The following CWH43 variants were observed in gnomAD, a reference collection of about 807,000 sequenced individuals.
CWH43 encodes the protein cell wall biogenesis 43 C-terminal homolog.
In CWH43, 91 loss-of-function variants were observed where a neutral mutation model predicts 85.7. That is an observed-to-expected ratio of 1.06 (90% confidence interval 0.90 to 1.26). CWH43 has a LOEUF of 1.26. CWH43 is among the 50% of genes most tolerant of loss of function. The pLI, the probability that CWH43 is intolerant of heterozygous loss-of-function variation, is 0.00. For missense variants in CWH43, 869 were observed against 839.2 expected, an observed-to-expected ratio of 1.04 and a Z score of -0.44; for synonymous variants, 323 against 293.6, an observed-to-expected ratio of 1.10 and a Z score of -1.02.
chr4:49,015,128 G>T (rs1783502149), intron 8 of CWH43, among the ~76,000 whole-genome samples: 1 of 152,022 alleles, frequency 6.6e-6, no homozygotes, highest in Non-Finnish European at 1.5e-5. Context: ...TCTTTTAAGG[G>T]TTTAATCTAT....
At chr4:49,029,848 C>T (rs563330087) in intron 10 of CWH43, among the ~76,000 whole-genome samples, 12 of 152,296 alleles carry the variant, frequency 7.9e-5, no homozygotes, top group East Asian at 3.9e-4. Context: ...GTTTTCCTGC[C>T]GACCTTCTCC....
chr4:48,986,364 G>C lies in CWH43; in HGVS notation c.-66G>C, dbSNP rs1213860882. On this transcript the variant is annotated 5_prime_UTR_variant, in exon 1 of 16. Coordinates refer to ENST00000226432, the MANE Select transcript of CWH43 (RefSeq NM_025087.3). ...GACGCGGCGGCGGGAACCTGGGGGCGCAGGGCTAGGGCAGCGGGCCCGACC... is the reference window on the plus strand; with the variant it reads ...GACGCGGCGGCGGGAACCTGGGGGCCCAGGGCTAGGGCAGCGGGCCCGACC... 2.7e-6 allele frequency: 4 copies of C among 1,462,286 alleles called. No homozygotes were observed. In the East Asian group the frequency reaches 1.0e-4, roughly 38 times the overall value. The allele number at this position is 1,462,286 out of a possible 1,614,324, so 90.6% of individuals were successfully genotyped here.
intron 14 of CWH43, among the ~76,000 whole-genome samples, chr4:49,049,955 A>T (rs987944781): frequency 8.5e-5 from 13 of 152,358 alleles, no homozygotes; most frequent in Admixed American, 8.5e-4. Context: ...TGAAAGTTCC[A>T]TGAGGGCAAG....
intron 12 of CWH43, among the ~76,000 whole-genome samples, chr4:49,035,176 T>G (rs1784229194): frequency 1.3e-5 from 2 of 152,208 alleles, no homozygotes; most frequent in Admixed American, 6.5e-5. Flanking sequence ...ACACAAATTC[T>G]TACTGTGAAT....
intron 6 of CWH43, among the ~76,000 whole-genome samples, chr4:49,001,874 A>C (rs1783003251): frequency 6.6e-6 from 1 of 152,204 alleles, no homozygotes; most frequent in African/African-American, 2.4e-5. Flanking sequence ...GTAAGCCGTA[A>C]GTAAGAAAAA....
intron 8 of CWH43, among the ~76,000 whole-genome samples, chr4:49,013,999 C>A (rs1313734293): frequency 1.3e-5 from 2 of 152,088 alleles, no homozygotes; most frequent in African/African-American, 4.8e-5. Flanking sequence ...TGGTCTCCAC[C>A]TTCAAGGACT....
intron 9 of CWH43, among the ~76,000 whole-genome samples, chr4:49,018,530 A>G (rs1560497982): frequency 6.6e-6 from 1 of 152,184 alleles, no homozygotes; most frequent in East Asian, 1.9e-4. Flanking sequence ...ACAGGTAGTA[A>G]AACTTTTCTT....
chr4:49,003,108 T>A (rs1577661814), intron 6 of CWH43, among the ~76,000 whole-genome samples: 1 of 152,162 alleles, frequency 6.6e-6, no homozygotes, highest in African/African-American at 2.4e-5. Flanking sequence ...TAAACTAACA[T>A]TTACAGAGTG....
chr4:48,996,863 A>G (rs760293839), intron 5 of CWH43, among the ~76,000 whole-genome samples: 6 of 152,220 alleles, frequency 3.9e-5, no homozygotes, highest in African/African-American at 7.2e-5. Flanking sequence ...AGAATGAGAC[A>G]CTGAAGACGG....
intron 15 of CWH43, among the ~76,000 whole-genome samples, chr4:49,051,114 A>G (rs1784782924): frequency 6.6e-6 from 1 of 152,158 alleles, no homozygotes; most frequent in African/African-American, 2.4e-5. Context: ...CATCACCATC[A>G]TCATCACTGT....
intron 9 of CWH43, among the ~76,000 whole-genome samples, chr4:49,020,161 C>T (rs1196941884): frequency 6.6e-6 from 1 of 152,028 alleles, no homozygotes; most frequent in African/African-American, 2.4e-5. Context: ...CACTCCCTCC[C>T]ACCCTTTAAT....
At chr4:48,994,857 G>GTTA (rs1165146259) in intron 5 of CWH43, 37 bp downstream of exon 5, 12 of 1,569,648 alleles carry the variant, frequency 7.6e-6, no homozygotes, top group Non-Finnish European at 1.1e-5. Flanking sequence ...AAAATCGGCA[G>GTTA]TTATGCCTGG....
Position 48,994,621 on chromosome 4 carries a change from G to T in CWH43, c.514G>T (p.Gly172Cys). The T allele has an allele frequency of 6.2e-7, 1 of 1,609,258 alleles. No individual in the cohort carries two copies. The highest frequency in any genetic ancestry group is 8.5e-7 in the Non-Finnish European group (1 of 1,178,628). The change falls in exon 5 of 16, where the codon GGT becomes TGT. Residue 172 changes from glycine (G) to cysteine (C), a missense_variant and splice_region_variant. Coordinates refer to ENST00000226432, the MANE Select transcript of CWH43 (RefSeq NM_025087.3). ...IATLDRIGTD[G>C]DCSKPEEKKT... Reference sequence around the variant, plus strand: ...ATATATGTATTTTTAAATTCTAGATGGTGACTGCAGTAAACCTGAAGAAAA... The same window carrying T: ...ATATATGTATTTTTAAATTCTAGATTGTGACTGCAGTAAACCTGAAGAAAA...
intron 8 of CWH43, among the ~76,000 whole-genome samples, chr4:49,013,122 C>T (rs1783419836): frequency 6.6e-6 from 1 of 152,262 alleles, no homozygotes; most frequent in African/African-American, 2.4e-5. Flanking sequence ...AGGCAGTAGA[C>T]CTTGCTGAGC....
intron 13 of CWH43, among the ~76,000 whole-genome samples, chr4:49,039,793 G>A (rs932866529): frequency 1.3e-5 from 2 of 151,546 alleles, no homozygotes; most frequent in South Asian, 2.1e-4. Context: ...TGTGCACAAT[G>A]TGCAGGTTTG....
At chr4:49,016,750 C>A (rs189624017) in intron 8 of CWH43, 1 of 777,832 alleles carries the variant, frequency 1.3e-6, no homozygotes, top group Admixed American at 1.7e-5. Flanking sequence ...GTGATGCCAG[C>A]TTCCCTTGCA....
intron 15 of CWH43, among the ~76,000 whole-genome samples, chr4:49,060,050 TTACCTGGGC>T (rs929855481): frequency 1.5e-4 from 23 of 152,122 alleles, no homozygotes; most frequent in Admixed American, 5.2e-4. Flanking sequence ...CTAGATTCTG[TTACCTGGGC>T]TGCAGGGACT....
At chr4:49,055,535 T>C (rs1408439215) in intron 15 of CWH43, among the ~76,000 whole-genome samples, 2 of 152,170 alleles carry the variant, frequency 1.3e-5, no homozygotes, top group Non-Finnish European at 2.9e-5. Flanking sequence ...TTGCAGGTGT[T>C]CCCTCCTCTT....
chr4:49,016,743 A>T, intron 8 of CWH43: 2 of 777,522 alleles, frequency 2.6e-6, no homozygotes, highest in Non-Finnish European at 4.8e-6. Context: ...CTTCTCAGTG[A>T]TGCCAGCTTC....
Sources: allele counts gnomAD v4.1 joint callset (sites outside exome capture counted in the v4.1 genomes callset), GRCh38; gene constraint gnomAD v4.1.1; transcripts MANE v1.5; gene names NCBI Gene and HGNC (gene_info 2026-07-23, HGNC 2026-07-21).